Variants in UNKL observed in about 807,000 individuals in gnomAD.
The protein encoded by UNKL is putative E3 ubiquitin-protein ligase UNKL.
Under a neutral mutation model 78.0 loss-of-function variants are expected in UNKL, and 60 were observed. The observed-to-expected ratio is 0.77, with a 90% CI of 0.63 to 0.95. UNKL has a LOEUF of 0.95. Among genes scored for constraint, UNKL ranks in the 40% least tolerant of loss-of-function variants. The pLI, the probability that UNKL is intolerant of heterozygous loss-of-function variation, is 0.00. For missense variants in UNKL, 1,159 were observed against 1,045.7 expected, an observed-to-expected ratio of 1.11 and a Z score of -1.49; for synonymous variants, 608 against 474.8, an observed-to-expected ratio of 1.28 and a Z score of -3.65.
At chr16:1,367,460 C>T in intron 13 of UNKL, 111 bp from the exon 14 acceptor site, 6 of 1,388,646 alleles carry the variant, frequency 4.3e-6, no homozygotes, top group Non-Finnish European at 5.7e-6. Flanking sequence ...TCAGCTGTGG[C>T]CCCCTCACCT....
intron 12 of UNKL, chr16:1,368,082 CCAG>C (rs2035458227): frequency 3.4e-6 from 2 of 585,790 alleles, no homozygotes; most frequent in Admixed American, 6.2e-5. Context: ...GGTCTCCCCA[CCAG>C]ATCTACGCCT....
chr16:1,401,511 T>G, intron 4 of UNKL, 57 bp downstream of exon 4: 2 of 1,464,298 alleles, frequency 1.4e-6, no homozygotes, highest in Non-Finnish European at 9.1e-7. Flanking sequence ...GCCCGAGCTG[T>G]TCTCGCGCTG....
At position 1,414,640 on chromosome 16, in the gene UNKL, GC is replaced by G; in HGVS notation, c.51del (p.Gln18ArgfsTer11). ...CTGTAGTGGGTCGGCTTCTCAGTCT[GC>G]GGGGGGGACCCGCTCAGCGCCGCTG... The part of the protein sequence containing the change: ...AAAAALSGSP[P>X]QTEKPTHYRY... On this transcript the variant is annotated frameshift_variant, in exon 1 of 15. Transcript: ENST00000389221. LOFTEE classifies it high-confidence loss of function. 1 of 1,129,976 alleles carries G rather than the reference GC, an allele frequency of 8.8e-7. No homozygotes were observed. The highest frequency in any genetic ancestry group is 1.1e-6 in the Non-Finnish European group (1 of 913,022). The allele number at this position is 1,129,976 out of a possible 1,614,324, so 70.0% of individuals were successfully genotyped here. A position where few individuals can be genotyped will look rare whatever the true frequency, so the allele number is the denominator to read the frequency against.
rs1359767156 is a variant in UNKL, at chr16:1,387,978, T to G, written c.1087-2593A>C. On this transcript the variant is annotated intron_variant, in intron 9 of 14. Coordinates refer to ENST00000389221, the MANE Select transcript of UNKL (RefSeq NM_001372107.1). The surrounding 1 kb of genome is among the most constrained non-coding windows in gnomAD (Gnocchi z 4.1). Reference sequence around the variant, plus strand: ...ACCGCCCGGGTCACAGTCACCCCTGTGGATGTCCTCTCAGCTCCATGACCC... The same window carrying G: ...ACCGCCCGGGTCACAGTCACCCCTGGGGATGTCCTCTCAGCTCCATGACCC... 6.6e-6 allele frequency among the ~76,000 whole-genome samples: 1 copy of G among 152,116 alleles called. No homozygotes were observed. The highest frequency in any genetic ancestry group is 1.5e-5 in the Non-Finnish European group (1 of 68,004).
chr16:1,366,479 A>G, intron 14 of UNKL, 84 bp from the exon 15 acceptor site: 1 of 1,437,812 alleles, frequency 7.0e-7, no homozygotes, highest in Non-Finnish European at 9.2e-7. Context: ...TCCGGGCAGG[A>G]CTCAGCATCT....
At chr16:1,407,569 G>A (rs370539436) in intron 2 of UNKL, among the ~76,000 whole-genome samples, 5 of 152,050 alleles carry the variant, frequency 3.3e-5, no homozygotes, top group East Asian at 1.9e-4. Context: ...GGTGGTGTGC[G>A]CCTATGGTCC....
chr16:1,413,382 A>G (rs1183660620), intron 2 of UNKL, among the ~76,000 whole-genome samples: 1 of 152,006 alleles, frequency 6.6e-6, no homozygotes, highest in African/African-American at 2.4e-5. Context: ...AAGCCTAACC[A>G]ACATGGAGAA....
intron 2 of UNKL, among the ~76,000 whole-genome samples, chr16:1,404,827 G>A (rs1248130085): frequency 1.3e-5 from 2 of 152,150 alleles, no homozygotes; most frequent in Non-Finnish European, 2.9e-5. Flanking sequence ...CCACAAGACA[G>A]GGTAAACGTG....
chr16:1,400,956 T>C (rs1748771340), intron 4 of UNKL, among the ~76,000 whole-genome samples: 1 of 152,246 alleles, frequency 6.6e-6, no homozygotes, highest in Non-Finnish European at 1.5e-5. Context: ...CCCAAAGTGC[T>C]GAGATTACAG....
At chr16:1,382,022 T>C (rs1018440128) in intron 10 of UNKL, among the ~76,000 whole-genome samples, 16 of 152,194 alleles carry the variant, frequency 1.1e-4, no homozygotes, top group African/African-American at 3.4e-4. Flanking sequence ...GCTCTGTCCC[T>C]GGGCTGGGAT....
chr16:1,390,696 T>TGCAACATAAAAA lies in UNKL; in HGVS notation c.1024-14_1024-3dup, dbSNP rs1320380205. ...GGCCGGCGAGTCTCTCCGCTTGGCCTGCAACATAAAAAACAGTCATATGTG... is the reference window on the plus strand; with the variant it reads ...GGCCGGCGAGTCTCTCCGCTTGGCCTGCAACATAAAAAGCAACATAAAAAACAGTCATATGTG... On this transcript the variant is annotated splice_region_variant and splice_polypyrimidine_tract_variant and intron_variant, in intron 8 of 14. Transcript: ENST00000389221. 5 of 1,535,820 alleles carry TGCAACATAAAAA rather than the reference T, an allele frequency of 3.3e-6. No homozygotes were observed. In the South Asian group the frequency reaches 5.9e-5, roughly 18 times the overall value.
chr16:1,367,748 T>C lies in UNKL; in HGVS notation c.1696A>G (p.Asn566Asp). ...CTGACCCGGGCCAGCTCAGCTCCGT[T>C]TGGACTTGCACTCGAAGAGGATGGG... ...GPPSSSSASPNGAELARVRRQ... is the reference protein window; with the variant it reads ...GPPSSSSASPDGAELARVRRQ... Residue 566 changes from asparagine (N) to aspartate (D), a missense_variant, in exon 13 of 15, where the codon AAC (asparagine) becomes GAC (aspartate). Transcript: ENST00000389221. The C allele has an allele frequency of 1.3e-6, 2 of 1,576,584 alleles. No homozygotes were observed. Among genetic ancestry groups the C allele is most frequent in the Non-Finnish European group, 1.7e-6 (2 of 1,161,926 alleles).
chr16:1,413,325 T>C (rs2038130514), intron 2 of UNKL, among the ~76,000 whole-genome samples: 1 of 147,904 alleles, frequency 6.8e-6, no homozygotes, highest in Admixed American at 6.8e-5. Context: ...TCCCAGCACT[T>C]TGGGAGGCCG....
chr16:1,379,573 G>T, intron 10 of UNKL: 1 of 985,264 alleles, frequency 1.0e-6, no homozygotes, highest in Non-Finnish European at 1.2e-6. Flanking sequence ...GCTCCTGACC[G>T]CCGAGTAACG....
intron 2 of UNKL, among the ~76,000 whole-genome samples, chr16:1,407,768 C>A (rs2037834963): frequency 6.6e-6 from 1 of 151,882 alleles, no homozygotes; most frequent in Non-Finnish European, 1.5e-5. Flanking sequence ...ATGGGGCAAG[C>A]CTGTTTTTTC....
rs1405474526 is a variant in UNKL at position 1,398,618 on chromosome 16, C to A, written c.734+756G>T. 9.1e-6 allele frequency: 13 copies of A among 1,428,648 alleles called. No individual in the cohort carries two copies. The East Asian group carries it at 3.3e-4, about 36-fold the overall frequency. 88.5% of individuals were successfully genotyped at this position (1,428,648 alleles called of 1,614,324 possible). A position where few individuals can be genotyped will look rare whatever the true frequency, so the allele number is the denominator to read the frequency against. ...CTCTGCTCAAAGGAAGAGCTGGACA[C>A]AGACAGGGCCTCAGGGAGGCCAAGG... On this transcript the variant is annotated intron_variant, in intron 5 of 14. Transcript: ENST00000389221.
chr16:1,369,876 G>GT, intron 12 of UNKL: 1 of 1,438,722 alleles, frequency 7.0e-7, no homozygotes. Flanking sequence ...TTGGGTGGCT[G>GT]AGGCAGGAGA....
intron 6 of UNKL, among the ~76,000 whole-genome samples, chr16:1,396,663 A>G (rs996970507): frequency 6.6e-6 from 1 of 151,620 alleles, no homozygotes; most frequent in African/African-American, 2.4e-5. Context: ...GCACGATCTC[A>G]GCTCACTGCA....
At chr16:1,398,680 C>CTGG in intron 5 of UNKL, 6 of 1,234,430 alleles carry the variant, frequency 4.9e-6, no homozygotes, top group East Asian at 4.0e-5. Flanking sequence ...GTGGGGTCTG[C>CTGG]ACCCCCCCAC....
Sources: gnomAD v4.1 joint callset for allele counts (sites outside exome capture counted in the v4.1 genomes callset) on GRCh38, gnomAD v4.1.1 for gene constraint, Gnocchi (gnomAD v3.1) non-coding constraint, MANE v1.5 for transcripts, NCBI Gene and HGNC (gene_info 2026-07-23, HGNC 2026-07-21) for gene names.